The following ARHGEF7 variants were observed in gnomAD, a reference collection of about 807,000 sequenced individuals.
ARHGEF7 encodes the protein PAK-interacting exchange factor beta.
In ARHGEF7, 33 loss-of-function variants were observed where a neutral mutation model predicts 109.8. The observed-to-expected ratio is 0.30, with a 90% confidence interval of 0.23 to 0.40. The LOEUF is 0.40. Ranked by LOEUF, ARHGEF7 falls within the 10% of genes least tolerant of loss-of-function variation. The pLI, the probability that ARHGEF7 is intolerant of heterozygous loss-of-function variation, is 1.00. For missense variants in ARHGEF7, 938 were observed against 1,098.5 expected, an observed-to-expected ratio of 0.85 and a Z score of 2.07; for synonymous variants, 458 against 424.6, an observed-to-expected ratio of 1.08 and a Z score of -0.97.
At chr13:111,250,396 A>G (rs1258033990) in intron 8 of ARHGEF7, among the ~76,000 whole-genome samples, 1 of 152,214 alleles carries the variant, frequency 6.6e-6, no homozygotes, top group African/African-American at 2.4e-5. Flanking sequence ...GGTGGAGCTT[A>G]TAGTCTGGTG....
At chr13:111,164,709 C>A (rs2076990972) in intron 2 of ARHGEF7, among the ~76,000 whole-genome samples, 1 of 152,132 alleles carries the variant, frequency 6.6e-6, no homozygotes, top group Admixed American at 6.5e-5. Context: ...TGTGTGTTAA[C>A]CCGGTTTGAA....
At position 111,303,214 on chromosome 13, in the gene ARHGEF7, G is replaced by T; in HGVS notation, c.*101G>T. The T allele has an allele frequency of 2.2e-5, 20 of 901,448 alleles. No individual in the cohort carries two copies. The highest frequency in any genetic ancestry group is 2.9e-5 in the Non-Finnish European group (18 of 623,646). The allele number at this position is 901,448 out of a possible 1,614,324, so 55.8% of individuals were successfully genotyped here. A position where few individuals can be genotyped will look rare whatever the true frequency, so the allele number is the denominator to read the frequency against. ...ACTCAGGACCACAGGGCAGGGCTGGGTGGGGCGCCACCTTGCTCTCTGTAT... is the reference window on the plus strand; with the variant it reads ...ACTCAGGACCACAGGGCAGGGCTGGTTGGGGCGCCACCTTGCTCTCTGTAT... On this transcript the variant is annotated 3_prime_UTR_variant, in exon 22 of 22. Coordinates refer to ENST00000646102, the MANE Select transcript of ARHGEF7 (RefSeq NM_001354046.2).
intron 19 of ARHGEF7, 77 bp downstream of exon 19, chr13:111,292,371 C>G (rs1327026833): frequency 8.8e-6 from 14 of 1,584,906 alleles, no homozygotes; most frequent in Non-Finnish European, 1.1e-5. Flanking sequence ...CTTGTTGTAT[C>G]GCAGCCTGCT....
At position 111,188,938 on chromosome 13, in the gene ARHGEF7, G is replaced by C. The variant is rs374158492; in HGVS notation, c.253-16351G>C. Among the ~76,000 whole-genome samples, 8 of 152,278 alleles carry C rather than the reference G, an allele frequency of 5.3e-5. 1 individual carries two copies. The highest frequency in any genetic ancestry group is 1.9e-4 in the African/African-American group (8 of 41,546). ...TTACCACCTCCTGCTAGATGATGGCGTATTAATAAACAGTTCCTACATTTC... is the reference window on the plus strand; with the variant it reads ...TTACCACCTCCTGCTAGATGATGGCCTATTAATAAACAGTTCCTACATTTC... On this transcript the variant is annotated intron_variant, in intron 2 of 21. Transcript: ENST00000646102.
intron 19 of ARHGEF7, among the ~76,000 whole-genome samples, chr13:111,297,233 A>G (rs1280295021): frequency 1.3e-5 from 2 of 152,248 alleles, no homozygotes; most frequent in African/African-American, 2.4e-5. Flanking sequence ...TAGGCAGATT[A>G]TTAGAATTGC....
In ARHGEF7 at chr13:111,133,929, T is replaced by A. The variant is rs551763701; in HGVS notation, c.165+18238T>A. Among the ~76,000 whole-genome samples, 348 of 151,158 alleles carry A rather than the reference T, an allele frequency of 2.3e-3. 3 individuals carry two copies. The highest frequency in any genetic ancestry group is 0.019 in the East Asian group (96 of 5,106). Reference sequence around the variant, plus strand: ...TAACTCCTCATTTACATTAGGTATATCTCCTAATGCTATCCCTCCCTCCTC... The same window carrying A: ...TAACTCCTCATTTACATTAGGTATAACTCCTAATGCTATCCCTCCCTCCTC... On this transcript the variant is annotated intron_variant, in intron 1 of 21. Coordinates refer to ENST00000646102, the MANE Select transcript of ARHGEF7 (RefSeq NM_001354046.2).
At chr13:111,225,330 G>A (rs147558662) in intron 5 of ARHGEF7, among the ~76,000 whole-genome samples, 293 of 152,226 alleles carry the variant, frequency 1.9e-3, no homozygotes, top group African/African-American at 6.9e-3. Flanking sequence ...CCAGTAGACG[G>A]AAGAGCTCAT....
At chr13:111,291,695 C>G (rs941047287) in intron 18 of ARHGEF7, among the ~76,000 whole-genome samples, 1 of 152,224 alleles carries the variant, frequency 6.6e-6, no homozygotes. Context: ...TAAATGGCAC[C>G]TTTCCCAAAT....
At chr13:111,171,999 A>G (rs1594252267) in intron 2 of ARHGEF7, among the ~76,000 whole-genome samples, 1 of 152,198 alleles carries the variant, frequency 6.6e-6, no homozygotes, top group Non-Finnish European at 1.5e-5. Flanking sequence ...AACTGTGAGA[A>G]TACATTTCTG....
chr13:111,295,385 C>T (rs951682894), intron 19 of ARHGEF7, among the ~76,000 whole-genome samples: 1 of 152,212 alleles, frequency 6.6e-6, no homozygotes, highest in African/African-American at 2.4e-5. Context: ...GACGAAGTCA[C>T]TCCTTGTACA....
At chr13:111,301,967 A>G (rs1781701832) in intron 21 of ARHGEF7, among the ~76,000 whole-genome samples, 1 of 152,254 alleles carries the variant, frequency 6.6e-6, no homozygotes, top group Non-Finnish European at 1.5e-5. Context: ...TCCAGCAGAT[A>G]AAATAATTGG....
chr13:111,167,047 T>C (rs1162264830), intron 2 of ARHGEF7, among the ~76,000 whole-genome samples: 1 of 152,192 alleles, frequency 6.6e-6, no homozygotes, highest in African/African-American at 2.4e-5. Context: ...CGTACTGACG[T>C]TGCTCATTTC....
At chr13:111,263,490 G>A (rs371422398) in intron 8 of ARHGEF7, among the ~76,000 whole-genome samples, 1 of 152,208 alleles carries the variant, frequency 6.6e-6, no homozygotes, top group South Asian at 2.1e-4. Flanking sequence ...TGTGGCACTG[G>A]ACCAGGTAGG....
chr13:111,174,222 A>G (rs2153418981), intron 2 of ARHGEF7, among the ~76,000 whole-genome samples: 1 of 152,348 alleles, frequency 6.6e-6, no homozygotes, highest in Admixed American at 6.5e-5. Flanking sequence ...ATTGAGGATA[A>G]TTAAAATTGG....
chr13:111,256,990 G>C (rs765562132), intron 8 of ARHGEF7, among the ~76,000 whole-genome samples: 5 of 152,190 alleles, frequency 3.3e-5, no homozygotes, highest in African/African-American at 7.2e-5. Flanking sequence ...GGCAATTTTT[G>C]CTTCTTGAAA....
At chr13:111,240,191 C>T (rs1197739791) in intron 6 of ARHGEF7, among the ~76,000 whole-genome samples, 2 of 152,152 alleles carry the variant, frequency 1.3e-5, no homozygotes, top group Non-Finnish European at 2.9e-5. Flanking sequence ...TGTGCAGGTG[C>T]CATTGGTGGT....
chr13:111,203,183 T>G, intron 2 of ARHGEF7: 1 of 1,072,180 alleles, frequency 9.3e-7, no homozygotes, highest in Non-Finnish European at 1.2e-6. Flanking sequence ...AAAAAATGAC[T>G]TGAATTTTCA....
At chr13:111,122,291 C>G (rs931212722) in intron 1 of ARHGEF7, among the ~76,000 whole-genome samples, 2 of 152,124 alleles carry the variant, frequency 1.3e-5, no homozygotes, top group African/African-American at 2.4e-5. Flanking sequence ...TCAGCAGGGC[C>G]GGGAGTCAGA....
At chr13:111,196,488 A>T (rs1209832693) in intron 2 of ARHGEF7, among the ~76,000 whole-genome samples, 1 of 152,084 alleles carries the variant, frequency 6.6e-6, no homozygotes, top group African/African-American at 2.4e-5. Context: ...CCCTGTAGGA[A>T]ATCTATCAGG....
Sources: allele counts gnomAD v4.1 joint callset (sites outside exome capture counted in the v4.1 genomes callset), GRCh38; gene constraint gnomAD v4.1.1; transcripts MANE v1.5; gene names NCBI Gene and HGNC (gene_info 2026-07-23, HGNC 2026-07-21).